METTL15: variants seen among roughly 807,000 people sequenced by gnomAD.
METTL15 encodes the protein methyltransferase 15, mitochondrial 12S rRNA N4-cytidine.
In METTL15, 34 loss-of-function variants were observed where a neutral mutation model predicts 38.3. That is an observed-to-expected ratio of 0.89 (90% CI 0.68 to 1.18). The LOEUF is 1.18. Ranked by LOEUF, METTL15 falls within the 50% of genes most tolerant of loss-of-function variation. The pLI, the probability that METTL15 is intolerant of heterozygous loss-of-function variation, is 0.00. For missense variants in METTL15, 438 were observed against 498.4 expected (o/e 0.88, Z 1.15); for synonymous variants, 162 against 170.9 (o/e 0.95, Z 0.41).
intron 6 of METTL15, among the ~76,000 whole-genome samples, chr11:28,493,629 A>C (rs1851514361): frequency 6.6e-6 from 1 of 152,124 alleles, no homozygotes; most frequent in African/African-American, 2.4e-5. Flanking sequence ...ACATCAATTC[A>C]CTTGCTGTTC....
intron 5 of METTL15, among the ~76,000 whole-genome samples, chr11:28,408,527 G>A (rs1850696330): frequency 6.6e-6 from 1 of 152,038 alleles, no homozygotes; most frequent in Admixed American, 6.6e-5. Context: ...GTTTTTAAAT[G>A]TATTAATTGT....
chr11:28,360,946 A>G (rs1850132882), intron 4 of METTL15, among the ~76,000 whole-genome samples: 1 of 151,616 alleles, frequency 6.6e-6, no homozygotes, highest in Non-Finnish European at 1.5e-5. Context: ...ACTGAGAATG[A>G]TGATTTCCAA....
chr11:28,202,884 C>A (rs747412953), intron 3 of METTL15, among the ~76,000 whole-genome samples: 3 of 152,060 alleles, frequency 2.0e-5, no homozygotes, highest in Non-Finnish European at 2.9e-5. Context: ...ATTTTAAGAT[C>A]TGCCCTCATA....
chr11:28,281,553 C>A (rs1432424840), intron 4 of METTL15, among the ~76,000 whole-genome samples: 1 of 152,158 alleles, frequency 6.6e-6, no homozygotes, highest in East Asian at 1.9e-4. Flanking sequence ...ATTGTCTTAT[C>A]TAGCTTTTCT....
At chr11:28,165,444 T>C (rs1430906356) in intron 3 of METTL15, among the ~76,000 whole-genome samples, 10 of 152,178 alleles carry the variant, frequency 6.6e-5, no homozygotes. Context: ...AGAGCTTTTT[T>C]CATGAACCTG....
intron 3 of METTL15, among the ~76,000 whole-genome samples, chr11:28,181,717 ACG>A (rs1326961912): frequency 6.7e-5 from 6 of 89,002 alleles, no homozygotes; most frequent in Non-Finnish European, 6.0e-5. Flanking sequence ...CAATAAACAT[ACG>A]TGTGTGCATG....
chr11:28,434,303 G>A (rs1321871776), intron 6 of METTL15, among the ~76,000 whole-genome samples: 2 of 152,202 alleles, frequency 1.3e-5, no homozygotes, highest in Non-Finnish European at 2.9e-5. Context: ...GCCCAGCCAT[G>A]CTGAACTGTG....
chr11:28,286,565 G>A (rs932163313), intron 4 of METTL15, among the ~76,000 whole-genome samples: 2 of 152,050 alleles, frequency 1.3e-5, no homozygotes, highest in African/African-American at 4.8e-5. Context: ...CTTGACATAG[G>A]GGAGTACTAG....
At chr11:28,415,050 T>C (rs1850761243) in intron 5 of METTL15, among the ~76,000 whole-genome samples, 1 of 152,244 alleles carries the variant, frequency 6.6e-6, no homozygotes, top group African/African-American at 2.4e-5. Context: ...TTGTGGATCA[T>C]GTCATTGGGC....
chr11:28,428,298 C>A (rs1052227820), intron 6 of METTL15, among the ~76,000 whole-genome samples: 9 of 152,118 alleles, frequency 5.9e-5, no homozygotes, highest in African/African-American at 2.2e-4. Context: ...TGTGTGTCTA[C>A]ACATAGGTAG....
chr11:28,278,177 T>A (rs1203067376), intron 4 of METTL15, among the ~76,000 whole-genome samples: 1 of 151,998 alleles, frequency 6.6e-6, no homozygotes, highest in African/African-American at 2.4e-5. Context: ...GTATAGGCCT[T>A]ATATGAGAGA....
At chr11:28,231,919 C>G (rs1853701194) in intron 4 of METTL15, among the ~76,000 whole-genome samples, 1 of 151,760 alleles carries the variant, frequency 6.6e-6, no homozygotes, top group African/African-American at 2.4e-5. Flanking sequence ...TTATACTTTT[C>G]AAACCCTGGC....
intron 2 of METTL15, among the ~76,000 whole-genome samples, chr11:28,110,707 GA>G (rs1851683023): frequency 6.6e-6 from 1 of 152,106 alleles, no homozygotes; most frequent in South Asian, 2.1e-4. Context: ...TTTCAAACAG[GA>G]TTTCCCTGCC....
intron 4 of METTL15, among the ~76,000 whole-genome samples, chr11:28,249,744 A>T (rs939721557): frequency 9.9e-5 from 15 of 151,736 alleles, no homozygotes; most frequent in African/African-American, 2.9e-4. Context: ...TTTACTTTTA[A>T]GTTCAGAAAT....
intron 6 of METTL15, among the ~76,000 whole-genome samples, chr11:28,511,886 A>G (rs911293777): frequency 6.6e-6 from 1 of 152,176 alleles, no homozygotes. Context: ...CCCCACCCAC[A>G]TCCTGCTGAT....
chr11:28,293,565 T>C (rs1404388050), intron 5 of METTL15, among the ~76,000 whole-genome samples: 5 of 152,304 alleles, frequency 3.3e-5, no homozygotes, highest in Middle Eastern at 3.4e-3. Context: ...ATATGAACTT[T>C]AAAGTAGTTT....
intron 4 of METTL15, among the ~76,000 whole-genome samples, chr11:28,221,497 T>C (rs182162453): frequency 3.0e-4 from 46 of 152,312 alleles, no homozygotes; most frequent in African/African-American, 1.0e-3. Flanking sequence ...TTCTTTGCCA[T>C]GGGTTTGTAC....
intron 3 of METTL15, among the ~76,000 whole-genome samples, chr11:28,203,751 T>G (rs974160275): frequency 1.3e-5 from 2 of 152,054 alleles, no homozygotes; most frequent in Non-Finnish European, 2.9e-5. Flanking sequence ...AAAATGACAT[T>G]TAGTTGTATT....
intron 3 of METTL15, among the ~76,000 whole-genome samples, chr11:28,169,204 T>G (rs1850764335): frequency 6.6e-6 from 1 of 152,148 alleles, no homozygotes; most frequent in African/African-American, 2.4e-5. Context: ...GGAATAGATT[T>G]GACAGAGAAA....
Sources: gnomAD v4.1 joint callset for allele counts (sites outside exome capture counted in the v4.1 genomes callset) on GRCh38, gnomAD v4.1.1 for gene constraint, MANE v1.5 for transcripts, NCBI Gene and HGNC (gene_info 2026-07-23, HGNC 2026-07-21) for gene names.